Variants in PPWD1 observed in about 807,000 individuals in gnomAD.
PPWD1 encodes peptidylprolyl isomerase domain and WD repeat-containing protein 1.
Under a neutral mutation model 68.8 loss-of-function variants are expected in PPWD1, and 43 were observed. The ratio of observed to expected loss-of-function variants is 0.62; its 90% CI spans 0.49 to 0.81. The LOEUF (loss-of-function observed/expected upper bound fraction) is 0.81. PPWD1 is among the 30% of genes least tolerant of loss of function. PPWD1 has a pLI of 0.00. For synonymous variants in PPWD1, 232 were observed against 258.7 expected (o/e 0.90, Z 0.99); for missense variants, 672 against 804.8 (o/e 0.83, Z 2.00).
In PPWD1 at chr5:65,564,452, C is replaced by T. The variant is rs376030448; in HGVS notation, c.196+946C>T. 3.3e-3 allele frequency among the ~76,000 whole-genome samples: 505 copies of T among 152,134 alleles called. 4 individuals are homozygous for T. The highest frequency in any genetic ancestry group is 0.012 in the African/African-American group (486 of 41,520). ...CAAGCGATTCTCCTGCCTCAGCCTCCCGAGTAGCTGGGGCTACAGGCGCAC... is the reference window on the plus strand; with the variant it reads ...CAAGCGATTCTCCTGCCTCAGCCTCTCGAGTAGCTGGGGCTACAGGCGCAC... On this transcript the variant is annotated intron_variant, in intron 1 of 10. Coordinates refer to ENST00000261308, the MANE Select transcript of PPWD1 (RefSeq NM_015342.4).
rs201915198 is a variant in PPWD1 at position 65,583,064 on chromosome 5, G to A, written c.1377G>A (p.Thr459=). ...YMFTKREPED[T]KSADSDRDVF... is the part of the protein sequence containing the mutation. ...TTACCAAACGAGAACCAGAAGATAC[G>A]AAAAGTGCAGATTCTGATCGAGATG... is the stretch of plus-strand genomic sequence containing the variant. Residue 459 remains threonine, a synonymous_variant, in exon 8 of 11, where the codon ACG becomes ACA. Coordinates refer to ENST00000261308, the MANE Select transcript of PPWD1 (RefSeq NM_015342.4). 217 of 1,597,028 alleles carry A rather than the reference G, an allele frequency of 1.4e-4. No individual in the cohort carries two copies. Among genetic ancestry groups the A allele is most frequent in the Admixed American group, 2.1e-4 (12 of 56,296 alleles).
At chr5:65,583,336 C>A in intron 8 of PPWD1, 117 bp downstream of exon 8, 1 of 1,176,048 alleles carries the variant, frequency 8.5e-7, no homozygotes, top group Non-Finnish European at 1.1e-6. Context: ...TTTGAAGAAA[C>A]GTTTGATAAA....
rs189903690 is a variant in PPWD1, at chr5:65,576,578, A to G, written c.970-301A>G. Among the ~76,000 whole-genome samples, 543 of 152,146 alleles carry G rather than the reference A, an allele frequency of 3.6e-3. 1 individual carries two copies. Among genetic ancestry groups the G allele is most frequent in the African/African-American group, 0.012 (500 of 41,522 alleles). On this transcript the variant is annotated intron_variant, in intron 5 of 10. Coordinates refer to ENST00000261308, the MANE Select transcript of PPWD1 (RefSeq NM_015342.4). ...TTTTTAGTGGAGACGGGGTTTCACCATGTTGGCCAGGCTGTTCTTGAACTG... is the reference window on the plus strand; with the variant it reads ...TTTTTAGTGGAGACGGGGTTTCACCGTGTTGGCCAGGCTGTTCTTGAACTG...
Position 65,571,928 on chromosome 5 carries a change from T to C in PPWD1, c.611T>C (p.Phe204Ser). ...AASEKSTGKI[F>S]IYDGRGDNQP... Reference sequence around the variant, plus strand: ...TCCGAAAAGAGTACAGGAAAAATTTTCATTTATGATGGCCGAGGAGATAAC... The same window carrying C: ...TCCGAAAAGAGTACAGGAAAAATTTCCATTTATGATGGCCGAGGAGATAAC... The change falls in exon 5 of 11, where the codon TTC becomes TCC. Residue 204 changes from phenylalanine to serine, a missense_variant. Physicochemically the swap from Phe to Ser is radical, Grantham distance 155 (BLOSUM62 -2). This residue lies in a region of PPWD1 where 484 missense variants were observed against 646.2 expected (regional missense o/e 0.75). Transcript: ENST00000261308. 1 of 1,614,162 alleles carries C rather than the reference T, an allele frequency of 6.2e-7. No homozygotes were observed. Among genetic ancestry groups the C allele is most frequent in the Non-Finnish European group, 8.5e-7 (1 of 1,180,012 alleles).
At chr5:65,569,803 T>A in intron 3 of PPWD1, 71 bp downstream of exon 3, 1 of 1,545,742 alleles carries the variant, frequency 6.5e-7, no homozygotes. Flanking sequence ...ATTTTTTAAA[T>A]TTTTTTTCTT....
intron 8 of PPWD1, among the ~76,000 whole-genome samples, chr5:65,584,429 A>G (rs1753729878): frequency 6.6e-6 from 1 of 152,222 alleles, no homozygotes; most frequent in Non-Finnish European, 1.5e-5. Context: ...TTTAGATGTC[A>G]TTTCTATGAT....
At chr5:65,585,717 A>G (rs1753810774) in intron 9 of PPWD1, among the ~76,000 whole-genome samples, 1 of 152,140 alleles carries the variant, frequency 6.6e-6, no homozygotes, top group Non-Finnish European at 1.5e-5. Flanking sequence ...TAACATACAG[A>G]TCCTAAAATT....
Position 65,581,804 on chromosome 5 carries a change from CTT to C in PPWD1, c.1351-1232_1351-1231del, listed in dbSNP as rs567932379. On this transcript the variant is annotated intron_variant, in intron 7 of 10. Transcript: ENST00000261308. ...TACAGCTAACATTGTTACGAATTTT[CTT>C]TGAGTCTTACTAGTACATATTCTTA... Among the ~76,000 whole-genome samples the C allele has an allele frequency of 5.7e-4, 87 of 152,102 alleles. 1 individual carries two copies. The highest frequency in any genetic ancestry group is 2.0e-3 in the African/African-American group (85 of 41,504).
chr5:65,567,665 A>G, intron 2 of PPWD1, 50 bp downstream of exon 2: 1 of 1,493,666 alleles, frequency 6.7e-7, no homozygotes, highest in Non-Finnish European at 9.0e-7. Flanking sequence ...TTTAAAAAAA[A>G]AAAAAGCTTC....
chr5:65,584,887 AAAC>A (rs1226541034), intron 8 of PPWD1, 124 bp from the exon 9 acceptor site: 4 of 1,385,710 alleles, frequency 2.9e-6, no homozygotes, highest in East Asian at 2.6e-5. Context: ...TGAAAAAAAA[AAAC>A]AACTGTCCTT....
intron 2 of PPWD1, chr5:65,568,837 TG>T: frequency 4.8e-6 from 2 of 417,054 alleles, no homozygotes; most frequent in South Asian, 3.6e-5. Context: ...GTTATCAGTG[TG>T]GTAAAACAGT....
intron 7 of PPWD1, among the ~76,000 whole-genome samples, chr5:65,581,958 A>G (rs1459488367): frequency 6.6e-6 from 1 of 152,212 alleles, no homozygotes; most frequent in Non-Finnish European, 1.5e-5. Context: ...ATCCAACATC[A>G]TGAAATAAAA....
chr5:65,571,127 G>A (rs1752991254), intron 4 of PPWD1, among the ~76,000 whole-genome samples: 1 of 152,146 alleles, frequency 6.6e-6, no homozygotes, highest in African/African-American at 2.4e-5. Flanking sequence ...ACTTGGAAGA[G>A]TATATTTCAG....
intron 5 of PPWD1, among the ~76,000 whole-genome samples, chr5:65,574,165 T>A (rs1753167335): frequency 6.6e-6 from 1 of 152,188 alleles, no homozygotes; most frequent in Non-Finnish European, 1.5e-5. Context: ...TGGTAATAAA[T>A]GAGTTGGTTG....
chr5:65,579,118 C>T (rs574126973), intron 6 of PPWD1, among the ~76,000 whole-genome samples: 3 of 151,996 alleles, frequency 2.0e-5, no homozygotes, highest in Non-Finnish European at 2.9e-5. Context: ...GGTTTCACCA[C>T]GTTGGCCAGG....
At chr5:65,575,239 T>C (rs1011832396) in intron 5 of PPWD1, among the ~76,000 whole-genome samples, 1 of 152,214 alleles carries the variant, frequency 6.6e-6, no homozygotes, top group Non-Finnish European at 1.5e-5. Flanking sequence ...CTACAGACCT[T>C]ATGCCTTAAA....
intron 4 of PPWD1, chr5:65,570,344 T>C (rs1456313935): frequency 1.1e-6 from 1 of 880,412 alleles, no homozygotes; most frequent in African/African-American, 1.8e-5. Context: ...TAGAATTGAG[T>C]TCCTATAAGA....
intron 6 of PPWD1, among the ~76,000 whole-genome samples, chr5:65,578,912 T>A (rs1753462361): frequency 6.6e-6 from 1 of 151,558 alleles, no homozygotes; most frequent in Non-Finnish European, 1.5e-5. Flanking sequence ...TCTTGATTGG[T>A]TTTTTGTTGT....
chr5:65,573,473 ATATTTTTT>A (rs1753111890), intron 5 of PPWD1, among the ~76,000 whole-genome samples: 5 of 42,852 alleles, frequency 1.2e-4, no homozygotes, highest in African/African-American at 2.0e-4. Flanking sequence ...ATATATATAT[ATATTTTTT>A]TTTTATTAGA....
Sources: gnomAD v4.1 joint callset for allele counts (sites outside exome capture counted in the v4.1 genomes callset) on GRCh38, gnomAD v4.1.1 for gene constraint, gnomAD v4.1.1 regional missense constraint, MANE v1.5 for transcripts, NCBI Gene and HGNC (gene_info 2026-07-23, HGNC 2026-07-21) for gene names.